The following COCH variants were observed in gnomAD, a reference collection of about 807,000 sequenced individuals.
COCH encodes the protein cochlin, also known as coagulation factor C homolog, cochlin (Limulus polyphemus).
COCH carries 40 observed loss-of-function variants against 54.8 expected under a neutral mutation model. The ratio of observed to expected loss-of-function variants is 0.73; its 90% CI spans 0.57 to 0.95. The LOEUF is 0.95. Among genes scored for constraint, COCH ranks in the 40% least tolerant of loss-of-function variants. The probability of loss-of-function intolerance (pLI) is 0.00; values close to 1 mark genes in which losing one functional copy is unlikely to be tolerated. For synonymous variants in COCH, 256 were observed against 237.9 expected (o/e 1.08, Z -0.70); for missense variants, 605 against 675.0 (o/e 0.90, Z 1.15).
chr14:30,875,529 G>A (rs927355283), intron 3 of COCH: 22 of 497,040 alleles, frequency 4.4e-5, no homozygotes, highest in African/African-American at 3.0e-4. Flanking sequence ...TGCCGTAGCC[G>A]AGAGAGAGGG....
chr14:30,883,944 G>A (rs1329313495), intron 8 of COCH, among the ~76,000 whole-genome samples: 1 of 152,064 alleles, frequency 6.6e-6, no homozygotes, highest in Non-Finnish European at 1.5e-5. Flanking sequence ...AATGTTGACG[G>A]TCACATCAAT....
In COCH at chr14:30,877,551, T is replaced by C; in HGVS notation, c.83-21T>C. ...CAAGAAGTCCTAAGAATGCTTACAA[T>C]ATTATCTCCTTTTTCTTCAGCTCCC... On this transcript the variant is annotated intron_variant, in intron 3 of 11. Coordinates refer to ENST00000396618, the MANE Select transcript of COCH (RefSeq NM_004086.3). This position sits in a 1 kb window ranked among gnomAD's most constrained non-coding sequence, Gnocchi z 8.6. 6.2e-7 allele frequency: 1 copy of C among 1,613,600 alleles called. No individual in the cohort carries two copies. Among genetic ancestry groups the C allele is most frequent in the Non-Finnish European group, 8.5e-7 (1 of 1,179,970 alleles).
intron 8 of COCH, 37 bp downstream of exon 8, chr14:30,880,771 A>T (rs1787993939): frequency 1.3e-6 from 2 of 1,516,640 alleles, no homozygotes; most frequent in African/African-American, 1.4e-5. Flanking sequence ...TTAAAAAAAA[A>T]ATTATTTTGT....
At chr14:30,895,397 A>T (rs1896114297), downstream of COCH, 1 of 1,587,300 alleles carries the variant, frequency 6.3e-7, no homozygotes. Context: ...GTTACGATGC[A>T]AGTTTTTGTT....
rs1371966591 is a variant in COCH, at chr14:30,886,447, C to T, written c.1477+135C>T. On this transcript the variant is annotated intron_variant, in intron 11 of 11. Coordinates refer to ENST00000396618, the MANE Select transcript of COCH (RefSeq NM_004086.3). Reference sequence around the variant, plus strand: ...TACCCAATATTAACTGTTAAAGCAGCCCTACTCATCTCATTCTACAGATAA... The same window carrying T: ...TACCCAATATTAACTGTTAAAGCAGTCCTACTCATCTCATTCTACAGATAA... 3.4e-5 allele frequency: 31 copies of T among 903,640 alleles called. No homozygotes were observed. The East Asian group carries it at 6.9e-4, about 20-fold the overall frequency. The allele number at this position is 903,640 out of a possible 1,614,324, so 56.0% of individuals were successfully genotyped here. A position where few individuals can be genotyped will look rare whatever the true frequency, so the allele number is the denominator to read the frequency against.
In COCH at chr14:30,879,438, C is replaced by T. The variant is rs1895490540; in HGVS notation, c.389C>T (p.Thr130Ile). 1 of 1,613,880 alleles carries T rather than the reference C, an allele frequency of 6.2e-7. No individual in the cohort carries two copies. The highest frequency in any genetic ancestry group is 8.5e-7 in the Non-Finnish European group (1 of 1,179,946). The change falls in exon 6 of 12, where the codon ACA (threonine) becomes ATA (isoleucine). Residue 130 changes from threonine (T) to isoleucine (I), a missense_variant. Coordinates refer to ENST00000396618, the MANE Select transcript of COCH (RefSeq NM_004086.3). ...SFTVTKGKSS[T>I]QEATGQAVST... ...ATTTTAACAGAAGGCAAAAGTAGTA[C>T]ACAGGAGGCCACAGGACAAGCAGTG...
At chr14:30,882,120 GTTTTTTTTTT>G (rs61175020) in intron 8 of COCH, among the ~76,000 whole-genome samples, 39 of 67,914 alleles carry the variant, frequency 5.7e-4, no homozygotes, top group Non-Finnish European at 8.4e-4. Context: ...CTATAAAATG[GTTTTTTTTTT>G]TTTTTTTTTT....
downstream of COCH, among the ~76,000 whole-genome samples, chr14:30,890,866 C>T (rs1170730732): frequency 6.6e-6 from 1 of 151,674 alleles, no homozygotes; most frequent in African/African-American, 2.4e-5. Context: ...AGTGAGAACC[C>T]CCTCTACAAA....
chr14:30,889,628 TCTC>T lies in COCH; in HGVS notation c.1491_1493del (p.Ser498del). ...GTTTTCATTGTAGGAATCACTATCT[TCTC>T]TGTTGGTGTGGCTTGGGCACCTCTG... On this transcript the variant is annotated inframe_deletion, in exon 12 of 12. Coordinates refer to ENST00000396618, the MANE Select transcript of COCH (RefSeq NM_004086.3). 6.2e-7 allele frequency: 1 copy of T among 1,613,966 alleles called. No individual in the cohort carries two copies. The highest frequency in any genetic ancestry group is 8.5e-7 in the Non-Finnish European group (1 of 1,179,836).
intron 11 of COCH, 147 bp downstream of exon 11, chr14:30,886,459 C>A: frequency 2.3e-6 from 2 of 856,102 alleles, no homozygotes; most frequent in Non-Finnish European, 3.6e-6. Flanking sequence ...CTACTCATCT[C>A]ATTCTACAGA....
intron 6 of COCH, 123 bp downstream of exon 6, chr14:30,879,608 C>A: frequency 1.1e-6 from 1 of 946,854 alleles, no homozygotes; most frequent in South Asian, 1.3e-5. Flanking sequence ...AAAGCAAATA[C>A]CTTAAGTTTA....
rs1327280972 is a variant in COCH, at chr14:30,884,612, T to C, written c.689T>C (p.Phe230Ser). The change falls in exon 9 of 12, where the codon TTT (phenylalanine) becomes TCT (serine). Residue 230 changes from phenylalanine (F) to serine (S), a missense_variant. Phe to Ser is a radical substitution (Grantham distance 155). Transcript: ENST00000396618. ...KNFTSAKDVL[F>S]AIKEVGFRGG... is the part of the protein sequence containing the mutation. Reference sequence around the variant, plus strand: ...TTTACATCAGCCAAAGATGTTTTGTTTGCCATAAAGGAAGTAGGTTTCAGA... The same window carrying C: ...TTTACATCAGCCAAAGATGTTTTGTCTGCCATAAAGGAAGTAGGTTTCAGA... The C allele has an allele frequency of 5.0e-6, 8 of 1,613,766 alleles. No individual in the cohort carries two copies. The highest frequency in any genetic ancestry group is 6.8e-6 in the Non-Finnish European group (8 of 1,179,852).
downstream of COCH, among the ~76,000 whole-genome samples, chr14:30,891,044 TAA>T (rs11346535): frequency 4.6e-5 from 7 of 150,710 alleles, no homozygotes; most frequent in East Asian, 3.9e-4. Flanking sequence ...ATCTCCAAAA[TAA>T]AAAAAAAAAT....
In COCH at chr14:30,884,619, A is replaced by G; in HGVS notation, c.696A>G (p.Ile232Met). The change falls in exon 9 of 12, where the codon ATA (isoleucine) becomes ATG (methionine). Residue 232 changes from isoleucine to methionine, a missense_variant. Coordinates refer to ENST00000396618, the MANE Select transcript of COCH (RefSeq NM_004086.3). Reference sequence around the variant, plus strand: ...CAGCCAAAGATGTTTTGTTTGCCATAAAGGAAGTAGGTTTCAGAGGGGGTA... The same window carrying G: ...CAGCCAAAGATGTTTTGTTTGCCATGAAGGAAGTAGGTTTCAGAGGGGGTA... ...FTSAKDVLFA[I>M]KEVGFRGGNS... The G allele has an allele frequency of 6.2e-7, 1 of 1,613,756 alleles. No homozygotes were observed. Among genetic ancestry groups the G allele is most frequent in the East Asian group, 2.2e-5 (1 of 44,796 alleles).
chr14:30,879,254 A>C (rs926048192), intron 5 of COCH, among the ~76,000 whole-genome samples, 169 bp from the exon 6 acceptor site: 1 of 152,266 alleles, frequency 6.6e-6, no homozygotes, highest in Non-Finnish European at 1.5e-5. Context: ...CTTTGAAGAT[A>C]TAATGGATAA....
At position 30,874,953 on chromosome 14, in the gene COCH, G is replaced by A; in HGVS notation, c.15G>A (p.Trp5Ter). 6.2e-7 allele frequency: 1 copy of A among 1,613,498 alleles called. No individual in the cohort carries two copies. ...TATCAGTCACCATGTCCGCAGCCTG[G>A]ATCCCGGCTCTCGGCCTCGGTGGGT... MSAA[W>*]IPALGLGVCL... The change falls in exon 2 of 12, where the codon TGG becomes TGA. Residue 5 changes from tryptophan (W) to a stop codon, truncating the protein, a stop_gained. Transcript: ENST00000396618. LOFTEE classifies it high-confidence loss of function.
downstream of COCH, among the ~76,000 whole-genome samples, chr14:30,892,691 C>T (rs1273014762): frequency 2.0e-5 from 3 of 151,978 alleles, no homozygotes; most frequent in African/African-American, 7.3e-5. Context: ...CCTGTAATCC[C>T]AGCTACTTGG....
intron 8 of COCH, among the ~76,000 whole-genome samples, chr14:30,881,002 G>C (rs1458165395): frequency 6.6e-6 from 1 of 151,972 alleles, no homozygotes; most frequent in Non-Finnish European, 1.5e-5. Flanking sequence ...GATCACCTGA[G>C]GTCAGGAGTT....
chr14:30,893,122 C>A (rs1236946319), downstream of COCH, among the ~76,000 whole-genome samples: 1 of 144,050 alleles, frequency 6.9e-6, no homozygotes, highest in Admixed American at 6.8e-5. Context: ...ATGGCAAAAA[C>A]CACAATTACA....
Sources: gnomAD v4.1 joint callset for allele counts (sites outside exome capture counted in the v4.1 genomes callset) on GRCh38, gnomAD v4.1.1 for gene constraint, Gnocchi (gnomAD v3.1) non-coding constraint, MANE v1.5 for transcripts, NCBI Gene and HGNC (gene_info 2026-07-23, HGNC 2026-07-21) for gene names.